Variants in ACACA observed in about 807,000 individuals in gnomAD.
ACACA encodes the protein acetyl-CoA carboxylase 1.
Under a neutral mutation model 296.1 loss-of-function variants are expected in ACACA, and 103 were observed. That is an observed-to-expected ratio of 0.35 (90% CI 0.30 to 0.41). The LOEUF (loss-of-function observed/expected upper bound fraction) is 0.41, where lower values mean the gene tolerates loss of function less well. Among genes scored for constraint, ACACA ranks in the 10% least tolerant of loss-of-function variants. The probability of loss-of-function intolerance (pLI) is 1.00; values close to 1 mark genes in which losing one functional copy is unlikely to be tolerated. For missense variants in ACACA, 1,554 were observed against 2,989.7 expected, an observed-to-expected ratio of 0.52 and a Z score of 11.20; for synonymous variants, 953 against 1,038.6, an observed-to-expected ratio of 0.92 and a Z score of 1.58.
At chr17:37,283,793 G>T (rs962386537) in intron 4 of ACACA, among the ~76,000 whole-genome samples, 1 of 152,146 alleles carries the variant, frequency 6.6e-6, no homozygotes, top group Non-Finnish European at 1.5e-5. Flanking sequence ...ACTCTTCTCT[G>T]TTGCAATAAA....
intron 39 of ACACA, among the ~76,000 whole-genome samples, chr17:37,185,718 G>A (rs1244770701): frequency 4.0e-5 from 6 of 151,698 alleles, no homozygotes; most frequent in Non-Finnish European, 2.9e-5. Context: ...ACAGGCCCCT[G>A]CCACCACTCC....
At chr17:37,240,401 T>C (rs1246716746) in intron 24 of ACACA, 75 bp downstream of exon 24, 1 of 1,307,350 alleles carries the variant, frequency 7.6e-7, no homozygotes, top group Admixed American at 1.9e-5. Flanking sequence ...TCTTACACAG[T>C]CCTATAGGGA....
At chr17:37,269,694 C>T (rs1355948423) in intron 10 of ACACA, among the ~76,000 whole-genome samples, 1 of 150,466 alleles carries the variant, frequency 6.6e-6, no homozygotes, top group African/African-American at 2.5e-5. Flanking sequence ...CATGGAAGAC[C>T]CAGCTCATAA....
At chr17:37,189,908 C>T (rs1344647099) in intron 38 of ACACA, among the ~76,000 whole-genome samples, 1 of 151,992 alleles carries the variant, frequency 6.6e-6, no homozygotes, top group Admixed American at 6.6e-5. Flanking sequence ...GGCATGATGA[C>T]TCATGCCTGT....
At chr17:37,401,561 C>CT (rs34680925) in intron 1 of ACACA, among the ~76,000 whole-genome samples, 24 of 138,118 alleles carry the variant, frequency 1.7e-4, no homozygotes, top group Non-Finnish European at 1.9e-4. Context: ...GTCTCTTTAC[C>CT]TTTTTTTTTT....
intron 1 of ACACA, among the ~76,000 whole-genome samples, chr17:37,382,194 C>T (rs181762801): frequency 1.1e-4 from 17 of 152,176 alleles, no homozygotes; most frequent in African/African-American, 3.9e-4. Context: ...CTGATAGTTA[C>T]TGCTAAATTA....
chr17:37,288,150 G>T (rs2082877458), intron 3 of ACACA, among the ~76,000 whole-genome samples: 1 of 152,072 alleles, frequency 6.6e-6, no homozygotes, highest in South Asian at 2.1e-4. Flanking sequence ...AACACCAGAG[G>T]TCTAAAAACA....
chr17:37,141,144 C>T (rs1292353906), intron 45 of ACACA: 4 of 500,172 alleles, frequency 8.0e-6, no homozygotes, highest in African/African-American at 1.9e-5. Flanking sequence ...TCTGCTTCTG[C>T]ACTGGCATAA....
intron 16 of ACACA, among the ~76,000 whole-genome samples, chr17:37,250,468 T>C (rs2080931608): frequency 6.6e-6 from 1 of 151,742 alleles, no homozygotes; most frequent in Admixed American, 6.6e-5. Flanking sequence ...TGAAACTCCG[T>C]CTCTACTAAA....
chr17:37,204,306 G>A (rs992546653), intron 33 of ACACA, among the ~76,000 whole-genome samples: 3 of 152,174 alleles, frequency 2.0e-5, no homozygotes, highest in Admixed American at 6.5e-5. Flanking sequence ...GCATCTTCAG[G>A]GCTAAGAATG....
chr17:37,279,532 T>TGAGGCTGAGG (rs1021161061), intron 5 of ACACA, among the ~76,000 whole-genome samples: 3 of 150,516 alleles, frequency 2.0e-5, no homozygotes, highest in Admixed American at 1.3e-4. Context: ...ACAGACAGAG[T>TGAGGCTGAGG]GAGGCTGAGG....
intron 10 of ACACA, among the ~76,000 whole-genome samples, chr17:37,267,601 C>A (rs1471695775): frequency 2.0e-5 from 3 of 151,802 alleles, no homozygotes; most frequent in Non-Finnish European, 2.9e-5. Context: ...TGTTTTGTCA[C>A]CCAGGCTGGA....
chr17:37,127,465 T>C (rs749935339), intron 47 of ACACA, among the ~76,000 whole-genome samples: 1 of 152,192 alleles, frequency 6.6e-6, no homozygotes, highest in Non-Finnish European at 1.5e-5. Flanking sequence ...AGAAGCCGGC[T>C]AAGATGGCTT....
intron 25 of ACACA, 89 bp downstream of exon 25, chr17:37,234,886 T>A: frequency 2.7e-6 from 4 of 1,471,990 alleles, no homozygotes; most frequent in Non-Finnish European, 3.8e-6. Context: ...GGCAGTAGTT[T>A]TTTTTCTCTG....
chr17:37,328,995 T>C, intron 3 of ACACA: 1 of 398,546 alleles, frequency 2.5e-6, no homozygotes, highest in Non-Finnish European at 4.4e-6. Context: ...AACTGAAAAG[T>C]AAATGACCAA....
chr17:37,193,462 G>T, intron 35 of ACACA, 47 bp from the exon 36 acceptor site: 1 of 1,404,794 alleles, frequency 7.1e-7, no homozygotes, highest in Non-Finnish European at 1.0e-6. Flanking sequence ...CATAGACATG[G>T]CTCTTTGAGA....
chr17:37,252,694 G>C (rs1469051935), intron 15 of ACACA, among the ~76,000 whole-genome samples, 192 bp downstream of exon 15: 1 of 152,188 alleles, frequency 6.6e-6, no homozygotes, highest in African/African-American at 2.4e-5. Flanking sequence ...AGTAATGCTA[G>C]AACATAAAAT....
chr17:37,164,940 T>A (rs1028536411), intron 41 of ACACA, among the ~76,000 whole-genome samples: 1 of 152,152 alleles, frequency 6.6e-6, no homozygotes, highest in African/African-American at 2.4e-5. Flanking sequence ...AATACTCTTA[T>A]CTTTCATTAC....
intron 55 of ACACA, among the ~76,000 whole-genome samples, chr17:37,087,888 C>T (rs947060505): frequency 1.3e-5 from 2 of 152,144 alleles, no homozygotes; most frequent in East Asian, 1.9e-4. Flanking sequence ...GCAAGCTCAT[C>T]GTAAAGACTG....
Sources: allele counts gnomAD v4.1 joint callset (sites outside exome capture counted in the v4.1 genomes callset), GRCh38; gene constraint gnomAD v4.1.1; transcripts MANE v1.5; gene names NCBI Gene and HGNC (gene_info 2026-07-23, HGNC 2026-07-21).